PCDHGA6: variants seen among roughly 807,000 people sequenced by gnomAD.
The protein encoded by PCDHGA6 is protocadherin gamma-A6.
Under a neutral mutation model 60.6 loss-of-function variants are expected in PCDHGA6, and 41 were observed. The ratio of observed to expected loss-of-function variants is 0.68; its 90% confidence interval spans 0.53 to 0.88. The LOEUF (loss-of-function observed/expected upper bound fraction) is 0.88, where lower values mean the gene tolerates loss of function less well. Ranked by LOEUF, PCDHGA6 falls within the 40% of genes least tolerant of loss-of-function variation. The pLI, the probability that PCDHGA6 is intolerant of heterozygous loss-of-function variation, is 0.00. For synonymous variants in PCDHGA6, 594 were observed against 524.4 expected, an observed-to-expected ratio of 1.13 and a Z score of -1.81; for missense variants, 1,312 against 1,203.0, an observed-to-expected ratio of 1.09 and a Z score of -1.34.
intron 1 of PCDHGA6, chr5:141,419,497 G>A (rs1357823931): frequency 6.2e-7 from 1 of 1,612,390 alleles, no homozygotes; most frequent in South Asian, 1.1e-5. Context: ...GCGCCAATGT[G>A]AGCCTGCGCG....
At position 141,487,194 on chromosome 5, in the gene PCDHGA6, C is replaced by T. The variant is rs148502966; in HGVS notation, c.2425-7613C>T. 2 of 1,613,868 alleles carry T rather than the reference C, an allele frequency of 1.2e-6. No homozygotes were observed. The highest frequency in any genetic ancestry group is 1.3e-5 in the African/African-American group (1 of 75,030). On this transcript the variant is annotated intron_variant, in intron 1 of 3. Coordinates refer to ENST00000517434, the MANE Select transcript of PCDHGA6 (RefSeq NM_018919.3). The surrounding 1 kb of genome is among the most constrained non-coding windows in gnomAD (Gnocchi z 5.0). ...GAGGAAGACACTCATCCAGTTGTCC[C>T]AGATCTTCGAGAATCTTCAGCTCCA... is the stretch of plus-strand genomic sequence containing the variant.
rs749825552 is a variant in PCDHGA6 at position 141,375,345 on chromosome 5, C to A, written c.1262C>A (p.Thr421Asn). ...DREEVFLYNITVTATDKGTPP... is the reference protein window; with the variant it reads ...DREEVFLYNINVTATDKGTPP... ...GAAGAGGTATTCTTGTACAACATCACTGTGACAGCCACGGACAAAGGAACA... is the reference window on the plus strand; with the variant it reads ...GAAGAGGTATTCTTGTACAACATCAATGTGACAGCCACGGACAAAGGAACA... The change falls in exon 1 of 4, where the codon ACT becomes AAT. Residue 421 changes from threonine to asparagine, a missense_variant. Coordinates refer to ENST00000517434, the MANE Select transcript of PCDHGA6 (RefSeq NM_018919.3). 3 of 1,613,740 alleles carry A rather than the reference C, an allele frequency of 1.9e-6. No homozygotes were observed. Among genetic ancestry groups the A allele is most frequent in the Non-Finnish European group, 2.5e-6 (3 of 1,179,920 alleles).
At chr5:141,418,449 A>C in intron 1 of PCDHGA6, 1 of 1,614,040 alleles carries the variant, frequency 6.2e-7, no homozygotes, top group Non-Finnish European at 8.5e-7. Context: ...TTAGTATTGC[A>C]GAAGACTCTG....
chr5:141,443,417 T>C (rs1429905201), intron 1 of PCDHGA6, among the ~76,000 whole-genome samples: 3 of 152,132 alleles, frequency 2.0e-5, no homozygotes, highest in East Asian at 1.9e-4. Context: ...TCTGGGGAGA[T>C]TGAAGCTGCA....
intron 2 of PCDHGA6, 88 bp from the exon 3 acceptor site, chr5:141,505,305 C>G (rs1363643214): frequency 1.0e-5 from 16 of 1,595,104 alleles, no homozygotes; most frequent in African/African-American, 2.7e-5. Flanking sequence ...GGTTAGGGTA[C>G]TAGGTTTGGG....
At chr5:141,460,616 TAGAC>T (rs533223594) in intron 1 of PCDHGA6, among the ~76,000 whole-genome samples, 44 of 152,232 alleles carry the variant, frequency 2.9e-4, no homozygotes, top group Middle Eastern at 3.4e-3. Context: ...GATGGATAGA[TAGAC>T]AGATACAGAT....
chr5:141,432,250 A>C lies in PCDHGA6; in HGVS notation c.2424+55743A>C, dbSNP rs777728825. ...ATTCCCTGGCTGAGAACACCATCCA[A>C]GGGGCAAGCCTATCGTCCTACGTGT... On this transcript the variant is annotated intron_variant, in intron 1 of 3. Coordinates refer to ENST00000517434, the MANE Select transcript of PCDHGA6 (RefSeq NM_018919.3). This position sits in a 1 kb window ranked among gnomAD's most constrained non-coding sequence, Gnocchi z 6.0. 2 of 1,614,116 alleles carry C rather than the reference A, an allele frequency of 1.2e-6. No homozygotes were observed. The highest frequency in any genetic ancestry group is 1.7e-6 in the Non-Finnish European group (2 of 1,180,062).
chr5:141,413,548 A>G, intron 1 of PCDHGA6: 1 of 1,613,946 alleles, frequency 6.2e-7, no homozygotes, highest in Non-Finnish European at 8.5e-7. Context: ...TGGGATAGAA[A>G]TAGAAGTAAC....
At chr5:141,500,438 T>C (rs977844035) in intron 2 of PCDHGA6, among the ~76,000 whole-genome samples, 2 of 151,816 alleles carry the variant, frequency 1.3e-5, no homozygotes, top group African/African-American at 4.8e-5. Flanking sequence ...CTCGATCTCC[T>C]GACCTCGTGA....
At chr5:141,413,092 T>C in intron 1 of PCDHGA6, 1 of 1,429,614 alleles carries the variant, frequency 7.0e-7, no homozygotes, top group Non-Finnish European at 9.4e-7. Context: ...AGAGACACCC[T>C]GAAGCCACAG....
intron 1 of PCDHGA6, among the ~76,000 whole-genome samples, chr5:141,451,364 C>T (rs970149151): frequency 3.9e-5 from 6 of 152,078 alleles, no homozygotes; most frequent in Middle Eastern, 3.2e-3. Context: ...AGGATGGATC[C>T]GCTTCTAATC....
At chr5:141,382,164 T>A (rs938169976) in intron 1 of PCDHGA6, among the ~76,000 whole-genome samples, 5 of 152,100 alleles carry the variant, frequency 3.3e-5, no homozygotes, top group Non-Finnish European at 5.9e-5. Context: ...AATGAAGGTG[T>A]TAGACCGTCT....
intron 1 of PCDHGA6, chr5:141,390,248 A>G (rs778353032): frequency 2.5e-6 from 4 of 1,613,850 alleles, no homozygotes; most frequent in East Asian, 2.2e-5. Context: ...CCTTATTTCC[A>G]CTTTGTAATT....
intron 1 of PCDHGA6, chr5:141,384,788 G>A: frequency 1.2e-6 from 2 of 1,613,236 alleles, no homozygotes; most frequent in Non-Finnish European, 1.7e-6. Context: ...CGCACGGCTC[G>A]GGCCCTGCTG....
Position 141,423,601 on chromosome 5 carries a change from C to T in PCDHGA6, c.2424+47094C>T, listed in dbSNP as rs372165060. On this transcript the variant is annotated intron_variant, in intron 1 of 3. Transcript: ENST00000517434. The stretch of plus-strand genomic sequence containing the variant: ...GGAGAGCTGTGAGAAAAGCGAGCCA[C>T]TCTTGATAGCTGAAGACTCAGCTAT... The T allele has an allele frequency of 1.9e-6, 3 of 1,612,586 alleles. No homozygotes were observed. Among genetic ancestry groups the T allele is most frequent in the Admixed American group, 1.7e-5 (1 of 59,924 alleles).
chr5:141,471,972 T>C (rs952480654), intron 1 of PCDHGA6, among the ~76,000 whole-genome samples: 1 of 152,212 alleles, frequency 6.6e-6, no homozygotes, highest in South Asian at 2.1e-4. Context: ...GTTGCATTAC[T>C]GTATAAATTT....
chr5:141,429,960 A>C (rs981722031), intron 1 of PCDHGA6, among the ~76,000 whole-genome samples: 2 of 152,244 alleles, frequency 1.3e-5, no homozygotes, highest in African/African-American at 4.8e-5. Flanking sequence ...AGTCAATGCA[A>C]GTTGGAATGC....
intron 1 of PCDHGA6, chr5:141,422,727 G>T (rs373180311): frequency 6.3e-5 from 102 of 1,606,434 alleles, no homozygotes; most frequent in Non-Finnish European, 2.0e-5. Context: ...TCCAGGGGGT[G>T]CCTCTGTCCT....
intron 1 of PCDHGA6, chr5:141,479,563 G>A (rs1469231382): frequency 2.6e-5 from 4 of 152,206 alleles, no homozygotes; most frequent in Admixed American, 2.0e-4. Context: ...ATCCAGTAGT[G>A]GGATGACATC....
Sources: gnomAD v4.1 joint callset for allele counts (sites outside exome capture counted in the v4.1 genomes callset) on GRCh38, gnomAD v4.1.1 for gene constraint, Gnocchi (gnomAD v3.1) non-coding constraint, MANE v1.5 for transcripts, NCBI Gene and HGNC (gene_info 2026-07-23, HGNC 2026-07-21) for gene names.